The following PEPD variants were observed in gnomAD, a reference collection of about 807,000 sequenced individuals.
The protein encoded by PEPD is peptidase D, also known as xaa-Pro dipeptidase.
Under a neutral mutation model 60.7 loss-of-function variants are expected in PEPD, and 53 were observed. The observed-to-expected ratio is 0.87, with a 90% CI of 0.70 to 1.10. The LOEUF (loss-of-function observed/expected upper bound fraction) is 1.10. Among genes scored for constraint, PEPD ranks in the 50% least tolerant of loss-of-function variants. The pLI, the probability that PEPD is intolerant of heterozygous loss-of-function variation, is 0.00. For missense variants in PEPD, 711 were observed against 711.9 expected, an observed-to-expected ratio of 1.00 and a Z score of 0.01; for synonymous variants, 267 against 284.1, an observed-to-expected ratio of 0.94 and a Z score of 0.60.
At chr19:33,477,948 A>C in intron 7 of PEPD, 98 bp downstream of exon 7, 1 of 823,252 alleles carries the variant, frequency 1.2e-6, no homozygotes, top group Non-Finnish European at 2.1e-6. Context: ...CTGCTTTCTG[A>C]GGGGCTCTCT....
chr19:33,387,594 C>A, intron 14 of PEPD, 113 bp from the exon 15 acceptor site: 2 of 1,402,654 alleles, frequency 1.4e-6, no homozygotes. Context: ...CTGACACTCC[C>A]TGGGAGACGG....
At position 33,482,193 on chromosome 19, in the gene PEPD, C is replaced by T. The variant is rs1158265453; in HGVS notation, c.504-4103G>A. On this transcript the variant is annotated intron_variant, in intron 6 of 14. Coordinates refer to ENST00000244137, the MANE Select transcript of PEPD (RefSeq NM_000285.4). ...TAGAGACAAAAATTTTTCAACAAAA[C>T]ACTAGCAAACAGAATCCAGCAACAT... Among the ~76,000 whole-genome samples, 8 of 152,130 alleles carry T rather than the reference C, an allele frequency of 5.3e-5. No individual in the cohort carries two copies. The East Asian group carries it at 1.3e-3, about 26-fold the overall frequency.
At chr19:33,478,393 G>GGAGTACCA (rs1174135509) in intron 6 of PEPD, among the ~76,000 whole-genome samples, 2 of 152,100 alleles carry the variant, frequency 1.3e-5, no homozygotes, top group East Asian at 3.9e-4. Context: ...ACACACAATA[G>GGAGTACCA]GAGTACCAGA....
chr19:33,470,558 G>A (rs932758787), intron 7 of PEPD, among the ~76,000 whole-genome samples: 7 of 152,030 alleles, frequency 4.6e-5, no homozygotes, highest in Admixed American at 1.3e-4. Flanking sequence ...TAGTCTAGAC[G>A]AATCCTCAGA....
intron 12 of PEPD, among the ~76,000 whole-genome samples, chr19:33,391,890 ACT>A (rs935465048): frequency 6.6e-6 from 1 of 151,946 alleles, no homozygotes; most frequent in Non-Finnish European, 1.5e-5. Flanking sequence ...ACACCAGGAG[ACT>A]CTGTGGGCTC....
chr19:33,437,932 C>G (rs1969410690), intron 9 of PEPD, among the ~76,000 whole-genome samples: 2 of 152,186 alleles, frequency 1.3e-5, no homozygotes, highest in Non-Finnish European at 2.9e-5. Flanking sequence ...CACCCTGGCT[C>G]TCCCCTCAGC....
intron 3 of PEPD, among the ~76,000 whole-genome samples, chr19:33,507,167 AGAGCCG>A (rs1404655624): frequency 6.6e-6 from 1 of 152,144 alleles, no homozygotes; most frequent in East Asian, 1.9e-4. Context: ...CTGCATACCC[AGAGCCG>A]GGGACGGAAT....
intron 9 of PEPD, among the ~76,000 whole-genome samples, chr19:33,414,380 G>C (rs1400030668): frequency 6.6e-6 from 1 of 152,232 alleles, no homozygotes; most frequent in Admixed American, 6.5e-5. Flanking sequence ...CTCTAGGATG[G>C]CGGATGGTAG....
intron 8 of PEPD, 29 bp downstream of exon 8, chr19:33,463,958 C>T (rs558926603): frequency 4.0e-6 from 6 of 1,494,438 alleles, no homozygotes; most frequent in South Asian, 2.3e-5. Flanking sequence ...CTGCTTTCCC[C>T]ACTCAACCAG....
In PEPD at chr19:33,391,494, G is replaced by A; in HGVS notation, c.968-15C>T. On this transcript the variant is annotated splice_polypyrimidine_tract_variant and intron_variant, in intron 12 of 14. Coordinates refer to ENST00000244137, the MANE Select transcript of PEPD (RefSeq NM_000285.4). ...CCACCAGACACCTGTGGGCCAGAGG[G>A]AGCTGCCGTGAGCCACAGAGCCCAG... The A allele has an allele frequency of 6.5e-7, 1 of 1,547,368 alleles. No homozygotes were observed.
At chr19:33,492,875 G>T (rs959818855) in intron 5 of PEPD, among the ~76,000 whole-genome samples, 3 of 152,006 alleles carry the variant, frequency 2.0e-5, no homozygotes, top group Non-Finnish European at 2.9e-5. Flanking sequence ...CATTCCTCTT[G>T]GTTTATTTTT....
At chr19:33,388,992 G>C (rs1047636187) in intron 13 of PEPD, 1 of 152,408 alleles carries the variant, frequency 6.6e-6, no homozygotes, top group African/African-American at 2.4e-5. Context: ...ATGCTTTCTG[G>C]TCAGGGGATG....
intron 5 of PEPD, among the ~76,000 whole-genome samples, chr19:33,491,567 G>A (rs1482393785): frequency 2.6e-5 from 4 of 152,164 alleles, no homozygotes; most frequent in African/African-American, 7.2e-5. Context: ...GTTTTGCCAC[G>A]AGAGTTCACC....
intron 9 of PEPD, among the ~76,000 whole-genome samples, chr19:33,418,709 GGGA>G (rs1968943647): frequency 3.3e-5 from 5 of 152,202 alleles, no homozygotes; most frequent in African/African-American, 9.7e-5. Context: ...AGCAGGTACT[GGGA>G]CTTGGCAGTG....
chr19:33,405,675 G>A (rs1217826118), intron 11 of PEPD, among the ~76,000 whole-genome samples: 5 of 152,254 alleles, frequency 3.3e-5, no homozygotes, highest in Admixed American at 2.0e-4. Context: ...CAGGCCTTCC[G>A]TGGAGTGCCA....
intron 13 of PEPD, among the ~76,000 whole-genome samples, chr19:33,390,843 C>T (rs955574602): frequency 6.6e-6 from 1 of 152,132 alleles, no homozygotes; most frequent in Non-Finnish European, 1.5e-5. Flanking sequence ...AGGGCTGCTC[C>T]GGGTTTGTGA....
chr19:33,497,499 G>A (rs970676563), intron 4 of PEPD, among the ~76,000 whole-genome samples: 5 of 152,252 alleles, frequency 3.3e-5, no homozygotes, highest in African/African-American at 1.2e-4. Context: ...TCTGTGGGGA[G>A]GAGGGAACCT....
chr19:33,418,455 C>T (rs1038703846), intron 9 of PEPD, among the ~76,000 whole-genome samples: 12 of 152,220 alleles, frequency 7.9e-5, no homozygotes, highest in African/African-American at 2.4e-4. Flanking sequence ...GGAGCCCTGG[C>T]ATAGCTCCTT....
Position 33,413,794 on chromosome 19 carries a change from G to T in PEPD, c.672-151C>A, listed in dbSNP as rs1018968799. On this transcript the variant is annotated intron_variant, in intron 9 of 14. Coordinates refer to ENST00000244137, the MANE Select transcript of PEPD (RefSeq NM_000285.4). ...CAAACTCTCAGTGTGAGTCTGTGAG[G>T]CTTACAGCCTGGGGGTCAGTCATAG... The T allele has an allele frequency of 7.7e-6, 5 of 647,408 alleles. No individual in the cohort carries two copies. In the African/African-American group the frequency reaches 8.9e-5, roughly 12 times the overall value. The allele number at this position is 647,408 out of a possible 1,614,324, so 40.1% of individuals were successfully genotyped here. A position where few individuals can be genotyped will look rare whatever the true frequency, so the allele number is the denominator to read the frequency against.
Sources: allele counts gnomAD v4.1 joint callset (sites outside exome capture counted in the v4.1 genomes callset), GRCh38; gene constraint gnomAD v4.1.1; transcripts MANE v1.5; gene names NCBI Gene and HGNC (gene_info 2026-07-23, HGNC 2026-07-21).